Variants in EPHA5 observed in about 807,000 individuals in gnomAD.
EPHA5 encodes the protein EPH receptor A5, also known as ephrin type-A receptor 5.
Under a neutral mutation model 105.0 loss-of-function variants are expected in EPHA5, and 60 were observed. The observed-to-expected ratio is 0.57, with a 90% CI of 0.46 to 0.71. The LOEUF (loss-of-function observed/expected upper bound fraction) is 0.71, where lower values mean the gene tolerates loss of function less well. EPHA5 is among the 30% of genes least tolerant of loss of function. The pLI, the probability that EPHA5 is intolerant of heterozygous loss-of-function variation, is 0.00. For synonymous variants in EPHA5, 513 were observed against 449.1 expected, an observed-to-expected ratio of 1.14 and a Z score of -1.80; for missense variants, 1,218 against 1,274.7, an observed-to-expected ratio of 0.96 and a Z score of 0.68.
chr4:65,579,204 C>T (rs1428897190), intron 3 of EPHA5, among the ~76,000 whole-genome samples: 6 of 151,014 alleles, frequency 4.0e-5, no homozygotes, highest in Non-Finnish European at 7.4e-5. Context: ...AAGCAATTTG[C>T]CATGAGAATA....
intron 8 of EPHA5, among the ~76,000 whole-genome samples, chr4:65,388,072 G>GT (rs1224924149): frequency 3.4e-5 from 5 of 148,700 alleles, no homozygotes; most frequent in Admixed American, 1.3e-4. Flanking sequence ...GAGGTGTTTG[G>GT]TTTTTTGTCC....
chr4:65,383,295 T>C (rs1019330634), intron 8 of EPHA5, among the ~76,000 whole-genome samples: 9 of 151,142 alleles, frequency 6.0e-5, no homozygotes, highest in Non-Finnish European at 1.3e-4. Flanking sequence ...AAGTCAGATG[T>C]GGTTTCTCCT....
At chr4:65,498,286 T>C (rs1313519120) in intron 3 of EPHA5, among the ~76,000 whole-genome samples, 2 of 151,918 alleles carry the variant, frequency 1.3e-5, no homozygotes, top group East Asian at 3.9e-4. Context: ...TTTTATTAGA[T>C]ATTTGGTACT....
chr4:65,564,473 G>A (rs1049378434), intron 3 of EPHA5, among the ~76,000 whole-genome samples: 4 of 151,578 alleles, frequency 2.6e-5, no homozygotes, highest in South Asian at 2.1e-4. Context: ...ACCGCCATAC[G>A]TTTTGCTTTC....
intron 2 of EPHA5, among the ~76,000 whole-genome samples, chr4:65,604,561 T>G (rs1386600166): frequency 6.6e-6 from 1 of 152,204 alleles, no homozygotes; most frequent in Non-Finnish European, 1.5e-5. Context: ...ATGGGTAATA[T>G]ATCCATCTCT....
intron 2 of EPHA5, among the ~76,000 whole-genome samples, chr4:65,636,779 T>C (rs902010899): frequency 1.3e-5 from 2 of 151,922 alleles, no homozygotes; most frequent in African/African-American, 4.8e-5. Context: ...GAAAGAACAA[T>C]ACAAGAAAAT....
At chr4:65,544,924 G>A (rs1382664999) in intron 3 of EPHA5, among the ~76,000 whole-genome samples, 1 of 139,160 alleles carries the variant, frequency 7.2e-6, no homozygotes, top group Non-Finnish European at 1.5e-5. Flanking sequence ...GTCCTTGCAG[G>A]GACATGGATG....
chr4:65,389,009 G>A (rs1720427007), intron 8 of EPHA5, among the ~76,000 whole-genome samples: 1 of 151,906 alleles, frequency 6.6e-6, no homozygotes, highest in Non-Finnish European at 1.5e-5. Context: ...TTGAATTCAT[G>A]CTAATTTGAT....
intron 14 of EPHA5, among the ~76,000 whole-genome samples, chr4:65,347,544 T>C (rs1451182): frequency 0.28 from 42,911 of 152,086 alleles, 7,198 homozygotes; most frequent in East Asian, 0.44. Context: ...TTTTCCATTG[T>C]GGGGAAAATC....
intron 2 of EPHA5, among the ~76,000 whole-genome samples, chr4:65,621,741 G>C (rs559077283): frequency 6.6e-6 from 1 of 152,232 alleles, no homozygotes; most frequent in South Asian, 2.1e-4. Context: ...CTGTTCCACT[G>C]GGTTCTAGCA....
chr4:65,329,820 T>A (rs996040100), intron 16 of EPHA5, among the ~76,000 whole-genome samples: 30 of 151,106 alleles, frequency 2.0e-4, no homozygotes, highest in Admixed American at 6.0e-4. Flanking sequence ...TTTTTTTTTT[T>A]TTTTTGGAAG....
Position 65,495,420 on chromosome 4 carries a change from C to T in EPHA5, c.1034G>A (p.Arg345Lys), listed in dbSNP as rs2149225627. The change falls in exon 4 of 17, where the codon AGA becomes AAA. Residue 345 changes from arginine (R) to lysine (K), a missense_variant. Coordinates refer to ENST00000613740, the MANE Select transcript of EPHA5 (RefSeq NM_001281766.3). ...TGCCATTGTGGGTGGATCAGACTCT[C>T]TCCTGAAATAATCCTTTTCACAGAC... Reference protein sequence around the residue: ...SCVCEKDYFRRESDPPTMACT... With the variant: ...SCVCEKDYFRKESDPPTMACT... The T allele has an allele frequency of 4.3e-6, 7 of 1,613,660 alleles. No homozygotes were observed. Among genetic ancestry groups the T allele is most frequent in the Non-Finnish European group, 5.9e-6 (7 of 1,179,722 alleles).
chr4:65,575,370 A>T (rs1022834120), intron 3 of EPHA5, among the ~76,000 whole-genome samples: 9 of 152,164 alleles, frequency 5.9e-5, no homozygotes, highest in African/African-American at 2.2e-4. Flanking sequence ...GTATAGGAAT[A>T]CTCTGTTCTC....
chr4:65,388,640 C>A (rs543141689), intron 8 of EPHA5, among the ~76,000 whole-genome samples: 2 of 141,450 alleles, frequency 1.4e-5, no homozygotes, highest in East Asian at 4.5e-4. Context: ...CTGTTCATAT[C>A]CTTTGCCCAC....
intron 2 of EPHA5, among the ~76,000 whole-genome samples, chr4:65,623,461 T>A (rs1161932486): frequency 6.6e-6 from 1 of 152,124 alleles, no homozygotes; most frequent in Non-Finnish European, 1.5e-5. Context: ...TCTCTTCACA[T>A]ATTATACCTA....
At chr4:65,342,303 C>T (rs1048596841) in intron 14 of EPHA5, among the ~76,000 whole-genome samples, 14 of 152,032 alleles carry the variant, frequency 9.2e-5, no homozygotes, top group Admixed American at 2.6e-4. Context: ...CATCCAAGGG[C>T]GGCATTATCC....
chr4:65,510,986 T>G (rs1733566077), intron 3 of EPHA5, among the ~76,000 whole-genome samples: 1 of 151,832 alleles, frequency 6.6e-6, no homozygotes, highest in South Asian at 2.1e-4. Flanking sequence ...AATCAATCAA[T>G]CTCTCTCTCT....
chr4:65,632,558 C>T (rs960659854), intron 2 of EPHA5, among the ~76,000 whole-genome samples: 2 of 146,940 alleles, frequency 1.4e-5, no homozygotes, highest in Non-Finnish European at 3.0e-5. Flanking sequence ...AAAAAATCTG[C>T]AGCCTTTTGG....
At chr4:65,489,460 G>A (rs562966548) in intron 5 of EPHA5, among the ~76,000 whole-genome samples, 70 of 152,298 alleles carry the variant, frequency 4.6e-4, no homozygotes, top group Middle Eastern at 6.8e-3. Context: ...CTAAGGTGAT[G>A]ACAAGGTTAC....
Sources: allele counts gnomAD v4.1 joint callset (sites outside exome capture counted in the v4.1 genomes callset), GRCh38; gene constraint gnomAD v4.1.1; transcripts MANE v1.5; gene names NCBI Gene and HGNC (gene_info 2026-07-23, HGNC 2026-07-21).